Variants in AK3 observed in about 807,000 individuals in gnomAD.
AK3 encodes GTP:AMP phosphotransferase AK3, mitochondrial.
Under a neutral mutation model 23.7 loss-of-function variants are expected in AK3, and 27 were observed. The observed-to-expected ratio is 1.14, with a 90% confidence interval of 0.84 to 1.57. The LOEUF (loss-of-function observed/expected upper bound fraction) is 1.57, where lower values mean the gene tolerates loss of function less well. Ranked by LOEUF, AK3 falls within the 40% of genes most tolerant of loss-of-function variation. AK3 has a pLI of 0.00. For synonymous variants in AK3, 159 were observed against 116.0 expected (o/e 1.37, Z -2.38); for missense variants, 406 against 285.6 (o/e 1.42, Z -3.04).
At chr9:4,716,695 C>T (rs1255146577) in intron 4 of AK3, among the ~76,000 whole-genome samples, 4 of 152,110 alleles carry the variant, frequency 2.6e-5, no homozygotes, top group Non-Finnish European at 5.9e-5. Flanking sequence ...TTTTGGGAGG[C>T]CGAGGCAGGA....
upstream of AK3, chr9:4,741,359 C>G (rs1476900977): frequency 6.3e-6 from 2 of 315,992 alleles, no homozygotes; most frequent in African/African-American, 4.5e-5. Flanking sequence ...CCGCGCAAGC[C>G]GCGCCCCCTC....
At chr9:4,739,822 T>C (rs1425715008) in intron 1 of AK3, among the ~76,000 whole-genome samples, 1 of 151,576 alleles carries the variant, frequency 6.6e-6, no homozygotes, top group Non-Finnish European at 1.5e-5. Context: ...TCCCAGCTAC[T>C]AGGGAGGCTG....
At chr9:4,721,710 T>G (rs1441888848) in intron 2 of AK3, among the ~76,000 whole-genome samples, 3 of 152,162 alleles carry the variant, frequency 2.0e-5, no homozygotes, top group Non-Finnish European at 4.4e-5. Context: ...CCGCCCACCT[T>G]GGCCTCCCAA....
intron 1 of AK3, among the ~76,000 whole-genome samples, chr9:4,734,030 C>G (rs13295366): frequency 0.17 from 25,970 of 152,134 alleles, 2,850 homozygotes; most frequent in East Asian, 0.45. Context: ...TATGTCTCCC[C>G]TAAATCTGTA....
intron 4 of AK3, among the ~76,000 whole-genome samples, chr9:4,713,945 T>C (rs62542956): frequency 4.1e-4 from 4 of 9,748 alleles, no homozygotes; most frequent in East Asian, 3.8e-3. Flanking sequence ...CCTCCACATA[T>C]ACACGCCTAC....
intron 1 of AK3, among the ~76,000 whole-genome samples, chr9:4,737,658 G>A (rs1173615091): frequency 6.6e-6 from 1 of 152,170 alleles, no homozygotes; most frequent in Non-Finnish European, 1.5e-5. Flanking sequence ...GTCGGAGGTC[G>A]CAGTAAGCCG....
intron 4 of AK3, 118 bp downstream of exon 4, chr9:4,718,301 T>G: frequency 1.3e-6 from 1 of 751,038 alleles, no homozygotes; most frequent in Non-Finnish European, 2.3e-6. Flanking sequence ...CTTTATTACT[T>G]AAGCCCATGT....
intron 1 of AK3, among the ~76,000 whole-genome samples, chr9:4,738,215 G>T (rs930116183): frequency 6.6e-6 from 1 of 152,124 alleles, no homozygotes; most frequent in Non-Finnish European, 1.5e-5. Context: ...ACCTAGGCTG[G>T]AATGCAATGG....
rs375640249 is a variant in AK3 at position 4,729,015 on chromosome 9, A to ATT, written c.152-6392_152-6391dup. Among the ~76,000 whole-genome samples the ATT allele has an allele frequency of 2.5e-3, 329 of 129,424 alleles. 8 individuals are homozygous for ATT. The highest frequency in any genetic ancestry group is 4.8e-3 in the South Asian group (19 of 3,950). The allele number at this position is 129,424 out of a possible 152,430, so 84.9% of individuals were successfully genotyped here. ...CACACACACATATATATATATATAT[A>ATT]TTTTTTTTTTTTGAGACGGAATTTT... is the stretch of plus-strand genomic sequence containing the variant. On this transcript the variant is annotated intron_variant, in intron 1 of 4. Coordinates refer to ENST00000381809, the MANE Select transcript of AK3 (RefSeq NM_016282.4).
intron 1 of AK3, among the ~76,000 whole-genome samples, chr9:4,728,866 T>TATATATATACACACAC (rs1395790351): frequency 3.4e-5 from 3 of 87,884 alleles, no homozygotes; most frequent in East Asian, 4.7e-4. Context: ...TATATATATA[T>TATATATATACACACAC]ACACACACAC....
chr9:4,725,046 G>C (rs1473719851), intron 1 of AK3, among the ~76,000 whole-genome samples: 1 of 145,756 alleles, frequency 6.9e-6, no homozygotes, highest in African/African-American at 2.5e-5. Flanking sequence ...TTTTGAGATG[G>C]AGTCTCACTC....
intron 2 of AK3, among the ~76,000 whole-genome samples, chr9:4,721,351 G>A (rs1410148535): frequency 1.3e-5 from 2 of 151,172 alleles, no homozygotes; most frequent in Non-Finnish European, 2.9e-5. Context: ...TGCAGTGAGA[G>A]GAGATCGCAC....
intron 1 of AK3, among the ~76,000 whole-genome samples, chr9:4,738,957 G>C (rs1842360428): frequency 6.6e-6 from 1 of 151,716 alleles, no homozygotes; most frequent in Non-Finnish European, 1.5e-5. Context: ...ATTTTTGGTA[G>C]AGACGGGGGT....
At chr9:4,736,114 CAAA>C (rs771506489) in intron 1 of AK3, among the ~76,000 whole-genome samples, 1 of 49,060 alleles carries the variant, frequency 2.0e-5, no homozygotes, top group Non-Finnish European at 4.4e-5. Flanking sequence ...GACTCCATCT[CAAA>C]AAAAAAAAAA....
intron 1 of AK3, among the ~76,000 whole-genome samples, chr9:4,728,882 C>CAT (rs1842082061): frequency 1.2e-5 from 1 of 81,836 alleles, no homozygotes; most frequent in African/African-American, 3.7e-5. Flanking sequence ...CACACACACA[C>CAT]ATACATATAT....
In AK3 at chr9:4,734,569, A is replaced by G. The variant is rs543807175; in HGVS notation, c.151+6368T>C. ...AGACAAGCTCCCTGGATTCTACTAGATTCTAGCCATGGAATTTTAAAAGGC... is the reference window on the plus strand; with the variant it reads ...AGACAAGCTCCCTGGATTCTACTAGGTTCTAGCCATGGAATTTTAAAAGGC... On this transcript the variant is annotated intron_variant, in intron 1 of 4. Transcript: ENST00000381809. Among the ~76,000 whole-genome samples, 4 of 152,364 alleles carry G rather than the reference A, an allele frequency of 2.6e-5. No homozygotes were observed. In the South Asian group the frequency reaches 8.3e-4, roughly 32 times the overall value.
chr9:4,739,933 T>A (rs1035169388), intron 1 of AK3, among the ~76,000 whole-genome samples: 4 of 151,912 alleles, frequency 2.6e-5, no homozygotes, highest in Admixed American at 2.0e-4. Flanking sequence ...TACACGTATC[T>A]GCGCTTAAAA....
chr9:4,716,253 C>T (rs1841722866), intron 4 of AK3, among the ~76,000 whole-genome samples: 1 of 152,140 alleles, frequency 6.6e-6, no homozygotes, highest in Admixed American at 6.5e-5. Flanking sequence ...TACCCAGCTC[C>T]CCACCTCACC....
At chr9:4,731,753 C>G (rs535454765) in intron 1 of AK3, among the ~76,000 whole-genome samples, 1 of 152,212 alleles carries the variant, frequency 6.6e-6, no homozygotes, top group African/African-American at 2.4e-5. Context: ...TCTTAACAGA[C>G]TCCTCATAAA....
Sources: gnomAD v4.1 joint callset for allele counts (sites outside exome capture counted in the v4.1 genomes callset) on GRCh38, gnomAD v4.1.1 for gene constraint, MANE v1.5 for transcripts, NCBI Gene and HGNC (gene_info 2026-07-23, HGNC 2026-07-21) for gene names.